The following VPS13C variants were observed in gnomAD, a reference collection of about 807,000 sequenced individuals.
VPS13C encodes the protein vacuolar protein sorting 13 homolog C.
A neutral mutation model predicts 456.8 loss-of-function variants in VPS13C; 358 were observed. The ratio of observed to expected loss-of-function variants is 0.78; its 90% confidence interval spans 0.72 to 0.86. The LOEUF (loss-of-function observed/expected upper bound fraction) is 0.86. Among genes scored for constraint, VPS13C ranks in the 40% least tolerant of loss-of-function variants. VPS13C has a pLI of 0.00. For missense variants in VPS13C, 4,818 were observed against 4,385.4 expected (o/e 1.10, Z -2.79); for synonymous variants, 1,578 against 1,486.7 (o/e 1.06, Z -1.41).
At chr15:61,860,710 G>A (rs139719348) in intron 82 of VPS13C, among the ~76,000 whole-genome samples, 33 of 152,198 alleles carry the variant, frequency 2.2e-4, no homozygotes, top group Middle Eastern at 3.4e-3. Flanking sequence ...AGACTAAAAT[G>A]TAATAATGCA....
At chr15:61,980,702 A>G (rs920695321) in intron 22 of VPS13C, among the ~76,000 whole-genome samples, 1 of 152,166 alleles carries the variant, frequency 6.6e-6, no homozygotes, top group African/African-American at 2.4e-5. Flanking sequence ...AAAGACTACA[A>G]TGACATGATT....
At chr15:61,992,350 C>T (rs1444729116) in intron 16 of VPS13C, among the ~76,000 whole-genome samples, 1 of 152,074 alleles carries the variant, frequency 6.6e-6, no homozygotes, top group Non-Finnish European at 1.5e-5. Context: ...GCCCACTTTT[C>T]AGAGAAATAT....
At position 61,947,276 on chromosome 15, in the gene VPS13C, T is replaced by G. The variant is rs956926097; in HGVS notation, c.4793A>C (p.Asp1598Ala). ...ATTTAATTCAGCTGTGATCTTTAAA[T>G]CAAACACATCCTTTTGGGAAATGTT... Reference protein sequence around the residue: ...SSNISQKDVFDLKITAELNAF... With the variant: ...SSNISQKDVFALKITAELNAF... Residue 1598 changes from aspartate to alanine, a missense_variant, in exon 43 of 85, where the codon GAT (aspartate) becomes GCT (alanine). Physicochemically the swap from Asp to Ala is moderately radical, Grantham distance 126. Coordinates refer to ENST00000644861, the MANE Select transcript of VPS13C (RefSeq NM_020821.3). The G allele has an allele frequency of 6.2e-7, 1 of 1,609,082 alleles. No individual in the cohort carries two copies. Among genetic ancestry groups the G allele is most frequent in the Middle Eastern group, 1.7e-4 (1 of 5,898 alleles).
At chr15:61,962,283 T>C in intron 34 of VPS13C, 88 bp downstream of exon 34, 1 of 1,260,582 alleles carries the variant, frequency 7.9e-7, no homozygotes, top group Middle Eastern at 2.0e-4. Context: ...CACTCTAAAA[T>C]CCAAGGTTTA....
In VPS13C at chr15:61,950,914, A is replaced by G. The variant is rs768313392; in HGVS notation, c.4536+31T>C. On this transcript the variant is annotated intron_variant, in intron 40 of 84. Coordinates refer to ENST00000644861, the MANE Select transcript of VPS13C (RefSeq NM_020821.3). ...GTAATATAACTTCATATATTCAAAT[A>G]TTAAAGAATCCTAGAAATGAAACTA... 10 of 1,439,368 alleles carry G rather than the reference A, an allele frequency of 6.9e-6. No individual in the cohort carries two copies. The South Asian group carries it at 1.0e-4, about 15-fold the overall frequency. The allele number at this position is 1,439,368 out of a possible 1,614,324, so 89.2% of individuals were successfully genotyped here. A position where few individuals can be genotyped will look rare whatever the true frequency, so the allele number is the denominator to read the frequency against.
chr15:61,879,990 T>C (rs1329009791), intron 73 of VPS13C, among the ~76,000 whole-genome samples: 11 of 152,114 alleles, frequency 7.2e-5, no homozygotes, highest in Non-Finnish European at 1.6e-4. Context: ...AAGAGTTACT[T>C]AATTATAAAT....
chr15:61,991,149 T>C (rs2099823106), intron 17 of VPS13C, 55 bp from the exon 18 acceptor site: 1 of 1,312,992 alleles, frequency 7.6e-7, no homozygotes, highest in Non-Finnish European at 1.1e-6. Context: ...CAAATATAAC[T>C]AAAAAGACTA....
intron 48 of VPS13C, among the ~76,000 whole-genome samples, chr15:61,934,614 C>T (rs2044164432): frequency 6.6e-6 from 1 of 152,076 alleles, no homozygotes; most frequent in Admixed American, 6.6e-5. Context: ...GGCACTGACA[C>T]CTAACTGGCT....
At chr15:61,881,937 C>A (rs1401499083) in intron 69 of VPS13C, 109 bp from the exon 70 acceptor site, 1 of 916,670 alleles carries the variant, frequency 1.1e-6, no homozygotes, top group South Asian at 1.9e-5. Flanking sequence ...TAAGTGTCTG[C>A]GTGTATATGC....
At chr15:62,037,818 T>A (rs1011140453) in intron 3 of VPS13C, among the ~76,000 whole-genome samples, 3 of 151,906 alleles carry the variant, frequency 2.0e-5, no homozygotes, top group African/African-American at 4.8e-5. Flanking sequence ...TTCAGCCCTA[T>A]CTAAAAAACA....
chr15:61,958,822 C>T (rs2045097237), intron 36 of VPS13C, 106 bp from the exon 37 acceptor site: 3 of 553,628 alleles, frequency 5.4e-6, no homozygotes, highest in Non-Finnish European at 9.0e-6. Flanking sequence ...ACAGAATAAT[C>T]CTAACACTGA....
intron 18 of VPS13C, among the ~76,000 whole-genome samples, chr15:61,987,559 G>A (rs912488365): frequency 6.6e-6 from 1 of 152,096 alleles, no homozygotes; most frequent in Non-Finnish European, 1.5e-5. Context: ...ATTACCACTT[G>A]CTCTCTCCCT....
chr15:61,934,581 A>T (rs1042385119), intron 48 of VPS13C, among the ~76,000 whole-genome samples: 1 of 152,040 alleles, frequency 6.6e-6, no homozygotes, highest in Non-Finnish European at 1.5e-5. Context: ...ATTTTTTTTT[A>T]AAGAGGAGGC....
chr15:61,884,259 C>T lies in VPS13C; in HGVS notation c.9352G>A (p.Val3118Ile), dbSNP rs1386109881. 1 of 1,610,632 alleles carries T rather than the reference C, an allele frequency of 6.2e-7. No homozygotes were observed. The highest frequency in any genetic ancestry group is 1.7e-5 in the Admixed American group (1 of 59,604). ...SYIGITSSGVVWEVKPKQKWK... is the reference protein window; with the variant it reads ...SYIGITSSGVIWEVKPKQKWK... ...TTCTGCTTTGGTTTCACCTCCCAAACAACACCAGAACTAAATAATTCACAC... is the reference window on the plus strand; with the variant it reads ...TTCTGCTTTGGTTTCACCTCCCAAATAACACCAGAACTAAATAATTCACAC... The change falls in exon 68 of 85, where the codon GTT (valine) becomes ATT (isoleucine). Residue 3118 changes from valine (V) to isoleucine (I), a missense_variant. Coordinates refer to ENST00000644861, the MANE Select transcript of VPS13C (RefSeq NM_020821.3).
At chr15:62,052,621 C>T (rs1163904693) in intron 1 of VPS13C, among the ~76,000 whole-genome samples, 2 of 141,890 alleles carry the variant, frequency 1.4e-5, no homozygotes, top group African/African-American at 5.5e-5. Flanking sequence ...TGCAGTGAGC[C>T]GAGATTGTGC....
chr15:61,864,445 T>C, intron 81 of VPS13C: 1 of 845,940 alleles, frequency 1.2e-6, no homozygotes, highest in Non-Finnish European at 1.4e-6. Flanking sequence ...ATATAATGCA[T>C]GGCTGAAAAT....
At chr15:62,055,634 C>T (rs1431643520) in intron 1 of VPS13C, among the ~76,000 whole-genome samples, 2 of 151,970 alleles carry the variant, frequency 1.3e-5, no homozygotes, top group Non-Finnish European at 2.9e-5. Flanking sequence ...ATCATGTTAA[C>T]ACAATATTTC....
intron 51 of VPS13C, among the ~76,000 whole-genome samples, chr15:61,927,974 T>C (rs1383570222): frequency 7.1e-6 from 1 of 140,830 alleles, no homozygotes; most frequent in Non-Finnish European, 1.5e-5. Flanking sequence ...TTCTCACTCA[T>C]AGGTGGGAAC....
At chr15:61,996,540 G>A (rs949007242) in intron 16 of VPS13C, among the ~76,000 whole-genome samples, 7 of 152,024 alleles carry the variant, frequency 4.6e-5, no homozygotes, top group Non-Finnish European at 1.0e-4. Flanking sequence ...CCAGTAATCA[G>A]ATAACTTCGA....
Sources: gnomAD v4.1 joint callset for allele counts (sites outside exome capture counted in the v4.1 genomes callset) on GRCh38, gnomAD v4.1.1 for gene constraint, MANE v1.5 for transcripts, NCBI Gene and HGNC (gene_info 2026-07-23, HGNC 2026-07-21) for gene names.